TMEM266: variants seen among roughly 807,000 people sequenced by gnomAD.
TMEM266 encodes transmembrane protein 266, also known as Hv1 related protein 1.
Under a neutral mutation model 50.5 loss-of-function variants are expected in TMEM266, and 33 were observed. That is an observed-to-expected ratio of 0.65 (90% CI 0.50 to 0.87). TMEM266 has a LOEUF of 0.87. TMEM266 is among the 40% of genes least tolerant of loss of function. The pLI is 0.00. For missense variants in TMEM266, 655 were observed against 695.1 expected (o/e 0.94, Z 0.65); for synonymous variants, 310 against 292.3 (o/e 1.06, Z -0.62).
At chr15:76,175,492 G>GC in intron 7 of TMEM266, 67 bp from the exon 8 acceptor site, 10 of 1,275,680 alleles carry the variant, frequency 7.8e-6, no homozygotes, top group Non-Finnish European at 1.1e-5. Flanking sequence ...TGAATGCTGG[G>GC]CCCGCCCTTC....
chr15:76,098,506 G>A lies in TMEM266; in HGVS notation c.-96-35662G>A, dbSNP rs1427545818. Reference sequence around the variant, plus strand: ...GCCAGCCAGAGCTCTCCTGTATGAGGTGTCTGTCGGCCCCTACTGGGAGCT... The same window carrying A: ...GCCAGCCAGAGCTCTCCTGTATGAGATGTCTGTCGGCCCCTACTGGGAGCT... On this transcript the variant is annotated intron_variant, in intron 1 of 10. Transcript: ENST00000388942. Among the ~76,000 whole-genome samples the A allele has an allele frequency of 1.7e-4, 26 of 152,122 alleles. 1 individual carries two copies. Among genetic ancestry groups the A allele is most frequent in the Admixed American group, 1.6e-3 (25 of 15,280 alleles).
At chr15:76,170,590 G>A (rs980117230) in intron 6 of TMEM266, among the ~76,000 whole-genome samples, 3 of 152,160 alleles carry the variant, frequency 2.0e-5, no homozygotes, top group Admixed American at 6.5e-5. Context: ...GCTGAGATGC[G>A]GGTTCCGGGC....
At position 76,153,307 on chromosome 15, in the gene TMEM266, T is replaced by C. The variant is rs898505218; in HGVS notation, c.228-3297T>C. On this transcript the variant is annotated intron_variant, in intron 3 of 10. Transcript: ENST00000388942. The surrounding 1 kb of genome is among the most constrained non-coding windows in gnomAD (Gnocchi z 4.2). Reference sequence around the variant, plus strand: ...TTCCCTACTCCCTTCAGGACCCTCCTCTGGGGTAGAAGGAGCAGTGTCTTA... The same window carrying C: ...TTCCCTACTCCCTTCAGGACCCTCCCCTGGGGTAGAAGGAGCAGTGTCTTA... 1.3e-5 allele frequency among the ~76,000 whole-genome samples: 2 copies of C among 152,170 alleles called. No homozygotes were observed. The highest frequency in any genetic ancestry group is 2.4e-5 in the African/African-American group (1 of 41,444).
chr15:76,204,614 G>T lies in TMEM266; in HGVS notation c.*299G>T, dbSNP rs561131791. Reference sequence around the variant, plus strand: ...GCCCAGCTTCAGCAGGGTAGAGTGTGGGGGGGCCAGCTCAGCCTCTTGCGT... The same window carrying T: ...GCCCAGCTTCAGCAGGGTAGAGTGTTGGGGGGCCAGCTCAGCCTCTTGCGT... On this transcript the variant is annotated 3_prime_UTR_variant, in exon 11 of 11. Coordinates refer to ENST00000388942, the MANE Select transcript of TMEM266 (RefSeq NM_152335.3). The T allele has an allele frequency of 4.9e-5, 12 of 243,776 alleles. No individual in the cohort carries two copies. In the East Asian group the frequency reaches 8.5e-4, roughly 17 times the overall value. 15.1% of individuals were successfully genotyped at this position (243,776 alleles called of 1,614,324 possible). A position where few individuals can be genotyped will look rare whatever the true frequency, so the allele number is the denominator to read the frequency against.
chr15:76,191,169 A>G (rs541602602), intron 8 of TMEM266, among the ~76,000 whole-genome samples: 11 of 152,350 alleles, frequency 7.2e-5, no homozygotes, highest in Admixed American at 5.9e-4. Context: ...TGGCCACCCT[A>G]TTGTTCATGA....
At chr15:76,133,705 AGAG>A (rs2037549034) in intron 1 of TMEM266, among the ~76,000 whole-genome samples, 2 of 152,302 alleles carry the variant, frequency 1.3e-5, no homozygotes. Flanking sequence ...GAATGAGCTG[AGAG>A]GAGAAGAAGA....
Position 76,192,039 on chromosome 15 carries a change from G to C in TMEM266, c.840G>C (p.Ala280=). 6.4e-7 allele frequency: 1 copy of C among 1,559,184 alleles called. No individual in the cohort carries two copies. Among genetic ancestry groups the C allele is most frequent in the East Asian group, 2.5e-5 (1 of 39,842 alleles). ...ACCTGGCTGCCGAGCGCGAAGCGGC[G>C]CTCCAGGCCCCGCACGTGCTCAGCC... The change falls in exon 9 of 11, where the codon GCG becomes GCC. Residue 280 remains alanine, a synonymous_variant. Coordinates refer to ENST00000388942, the MANE Select transcript of TMEM266 (RefSeq NM_152335.3).
intron 8 of TMEM266, 53 bp downstream of exon 8, chr15:76,175,727 A>G: frequency 6.9e-7 from 1 of 1,446,308 alleles, no homozygotes; most frequent in Non-Finnish European, 9.7e-7. Flanking sequence ...GGACACTGGT[A>G]GTGCCTAAAG....
At chr15:76,173,106 G>T (rs1019387184) in intron 7 of TMEM266, among the ~76,000 whole-genome samples, 2 of 152,170 alleles carry the variant, frequency 1.3e-5, no homozygotes, top group African/African-American at 4.8e-5. Flanking sequence ...ACTGGCTTCA[G>T]CAGAGATTTG....
At chr15:76,111,683 C>T (rs2037172437) in intron 1 of TMEM266, among the ~76,000 whole-genome samples, 1 of 152,266 alleles carries the variant, frequency 6.6e-6, no homozygotes, top group African/African-American at 2.4e-5. Context: ...GCTGGGATTA[C>T]AGGCATGCGC....
At chr15:76,188,778 A>G (rs1466205402) in intron 8 of TMEM266, among the ~76,000 whole-genome samples, 1 of 152,238 alleles carries the variant, frequency 6.6e-6, no homozygotes, top group Admixed American at 6.5e-5. Context: ...GTGGGGACAC[A>G]GCCAAACCAT....
intron 4 of TMEM266, among the ~76,000 whole-genome samples, chr15:76,159,714 C>G (rs187415442): frequency 3.9e-5 from 6 of 152,268 alleles, no homozygotes; most frequent in Admixed American, 3.9e-4. Context: ...CCAGCCTCAA[C>G]TGAAGCTGCC....
intron 1 of TMEM266, among the ~76,000 whole-genome samples, chr15:76,076,859 A>G (rs2036614321): frequency 6.6e-6 from 1 of 152,110 alleles, no homozygotes; most frequent in African/African-American, 2.4e-5. Flanking sequence ...GAAAAGATGG[A>G]TTCATTGCCA....
At chr15:76,152,080 G>T (rs746266834) in intron 3 of TMEM266, among the ~76,000 whole-genome samples, 6 of 152,132 alleles carry the variant, frequency 3.9e-5, no homozygotes, top group Non-Finnish European at 7.4e-5. Flanking sequence ...CCCACCCCCA[G>T]TCTCCATGGC....
chr15:76,094,138 T>C (rs2036891416), intron 1 of TMEM266, among the ~76,000 whole-genome samples: 1 of 152,110 alleles, frequency 6.6e-6, no homozygotes, highest in Non-Finnish European at 1.5e-5. Context: ...CATTTGTCAA[T>C]TTTGGCTTTT....
intron 1 of TMEM266, among the ~76,000 whole-genome samples, chr15:76,108,148 C>G (rs183361263): frequency 6.6e-6 from 1 of 152,262 alleles, no homozygotes; most frequent in Non-Finnish European, 1.5e-5. Context: ...ATCTCAGGGT[C>G]ATGCTCTGTC....
chr15:76,202,813 C>T (rs1361858754), intron 10 of TMEM266, among the ~76,000 whole-genome samples: 13 of 152,160 alleles, frequency 8.5e-5, no homozygotes, highest in Admixed American at 7.9e-4. Flanking sequence ...ACATGCAGTT[C>T]TTGAGTTTGA....
chr15:76,157,405 C>G (rs991978367), intron 4 of TMEM266, among the ~76,000 whole-genome samples: 3 of 152,160 alleles, frequency 2.0e-5, no homozygotes, highest in Admixed American at 2.0e-4. Flanking sequence ...CTTCAAGGCA[C>G]CAGGTCATTT....
At chr15:76,128,630 A>G (rs1299609920) in intron 1 of TMEM266, among the ~76,000 whole-genome samples, 3 of 152,214 alleles carry the variant, frequency 2.0e-5, no homozygotes, top group Non-Finnish European at 4.4e-5. Context: ...TGTTTGGGAA[A>G]TATTATTTTT....
Sources: allele counts gnomAD v4.1 joint callset (sites outside exome capture counted in the v4.1 genomes callset), GRCh38; gene constraint gnomAD v4.1.1; non-coding constraint Gnocchi (gnomAD v3.1); transcripts MANE v1.5; gene names NCBI Gene and HGNC (gene_info 2026-07-23, HGNC 2026-07-21).